The following CTNND2 variants were observed in gnomAD, a reference collection of about 807,000 sequenced individuals.
The protein encoded by CTNND2 is catenin delta 2.
CTNND2 carries 22 observed loss-of-function variants against 144.4 expected under a neutral mutation model. That is an observed-to-expected ratio of 0.15 (90% confidence interval 0.11 to 0.22). The LOEUF is 0.22. Ranked by LOEUF, CTNND2 falls within the 10% of genes least tolerant of loss-of-function variation. The pLI is 1.00. For missense variants in CTNND2, 1,353 were observed against 1,618.8 expected (o/e 0.84, Z 2.82); for synonymous variants, 751 against 695.6 (o/e 1.08, Z -1.25).
intron 16 of CTNND2, among the ~76,000 whole-genome samples, chr5:11,082,053 C>G (rs1749632022): frequency 1.3e-5 from 2 of 152,286 alleles, no homozygotes; most frequent in South Asian, 4.1e-4. Context: ...TTTTGTGATT[C>G]ATTTGTTTAG....
chr5:11,221,371 G>C (rs147913257), intron 10 of CTNND2, among the ~76,000 whole-genome samples: 1 of 152,192 alleles, frequency 6.6e-6, no homozygotes, highest in Non-Finnish European at 1.5e-5. Context: ...TGCCCACAGA[G>C]CAGGGTTATT....
intron 3 of CTNND2, among the ~76,000 whole-genome samples, chr5:11,503,734 T>C (rs1235262950): frequency 6.6e-6 from 1 of 152,232 alleles, no homozygotes; most frequent in Non-Finnish European, 1.5e-5. Flanking sequence ...AGCATTATAA[T>C]CTTTTCTTTC....
At chr5:11,352,441 A>G (rs752178080) in intron 8 of CTNND2, among the ~76,000 whole-genome samples, 7 of 152,214 alleles carry the variant, frequency 4.6e-5, no homozygotes, top group Non-Finnish European at 1.0e-4. Context: ...AATGGCTAAT[A>G]CATGCAGGGT....
intron 11 of CTNND2, among the ~76,000 whole-genome samples, chr5:11,189,811 G>A (rs1389120830): frequency 6.6e-6 from 1 of 152,166 alleles, no homozygotes; most frequent in African/African-American, 2.4e-5. Context: ...ATGAATGAAT[G>A]AGACTCACAG....
intron 11 of CTNND2, among the ~76,000 whole-genome samples, chr5:11,174,490 CCTT>C (rs1342154424): frequency 2.0e-5 from 3 of 152,054 alleles, no homozygotes; most frequent in Non-Finnish European, 4.4e-5. Flanking sequence ...TCAGTGGAAA[CCTT>C]CTTCTGTTAG....
chr5:11,745,953 T>C (rs771169340), intron 1 of CTNND2, among the ~76,000 whole-genome samples: 3 of 152,238 alleles, frequency 2.0e-5, no homozygotes, highest in Admixed American at 6.5e-5. Flanking sequence ...TGATGCACTA[T>C]ATTTTATATT....
At chr5:11,468,876 A>G (rs1346517820) in intron 3 of CTNND2, among the ~76,000 whole-genome samples, 1 of 152,072 alleles carries the variant, frequency 6.6e-6, no homozygotes, top group Admixed American at 6.5e-5. Flanking sequence ...TGCACGATCA[A>G]CTTTGTGGAA....
intron 3 of CTNND2, among the ~76,000 whole-genome samples, chr5:11,429,433 G>A (rs763047928): frequency 8.5e-5 from 13 of 152,048 alleles, no homozygotes; most frequent in Non-Finnish European, 1.6e-4. Flanking sequence ...TGGTGCCCAC[G>A]TGTTTGTTTA....
At chr5:11,411,262 G>A (rs1388662791) in intron 5 of CTNND2, among the ~76,000 whole-genome samples, 1 of 152,134 alleles carries the variant, frequency 6.6e-6, no homozygotes, top group Non-Finnish European at 1.5e-5. Context: ...TATTGAAAAG[G>A]ATATCAGAGA....
At chr5:11,654,195 C>T (rs1348002637) in intron 2 of CTNND2, among the ~76,000 whole-genome samples, 4 of 151,932 alleles carry the variant, frequency 2.6e-5, no homozygotes, top group Non-Finnish European at 5.9e-5. Flanking sequence ...CAGCTTTGTT[C>T]TTTTGCTCAA....
rs539450648 is a variant in CTNND2 at position 11,440,455 on chromosome 5, A to T, written c.288-28386T>A. Among the ~76,000 whole-genome samples the T allele has an allele frequency of 7.9e-5, 12 of 152,298 alleles. No individual in the cohort carries two copies. The East Asian group carries it at 2.3e-3, about 29-fold the overall frequency. On this transcript the variant is annotated intron_variant, in intron 3 of 21. Coordinates refer to ENST00000304623, the MANE Select transcript of CTNND2 (RefSeq NM_001332.4). ...TTAATAAGACAGGCAATTTACCTTG[A>T]GAATATTGGAATTCTTCTGAAAAAC... is the stretch of plus-strand genomic sequence containing the variant.
chr5:11,267,325 G>C (rs537707962), intron 9 of CTNND2, among the ~76,000 whole-genome samples: 2 of 152,158 alleles, frequency 1.3e-5, no homozygotes, highest in African/African-American at 4.8e-5. Flanking sequence ...ATTGGGCTAC[G>C]TGGTGATGGG....
chr5:11,828,778 A>C (rs1793737384), intron 1 of CTNND2, among the ~76,000 whole-genome samples: 1 of 152,170 alleles, frequency 6.6e-6, no homozygotes, highest in Non-Finnish European at 1.5e-5. Context: ...GGGTGCTGTG[A>C]AAATGTGGAA....
chr5:11,391,437 T>C (rs1183619754), intron 6 of CTNND2, among the ~76,000 whole-genome samples: 3 of 152,188 alleles, frequency 2.0e-5, no homozygotes, highest in African/African-American at 7.2e-5. Flanking sequence ...TAGTACTATA[T>C]GAAATGTTCC....
rs552619804 is a variant in CTNND2, at chr5:11,011,470, G to T, written c.3084+6504C>A. On this transcript the variant is annotated intron_variant, in intron 18 of 21. Transcript: ENST00000304623. Reference sequence around the variant, plus strand: ...GACCTCAAGTGATCCGCCTATCTCGGCCTCCCAAAGTGCTGGGATTACAGG... The same window carrying T: ...GACCTCAAGTGATCCGCCTATCTCGTCCTCCCAAAGTGCTGGGATTACAGG... Among the ~76,000 whole-genome samples, 6 of 152,234 alleles carry T rather than the reference G, an allele frequency of 3.9e-5. No homozygotes were observed. In the South Asian group the frequency reaches 1.0e-3, roughly 26 times the overall value.
intron 2 of CTNND2, among the ~76,000 whole-genome samples, chr5:11,705,099 T>C (rs1785631227): frequency 6.6e-6 from 1 of 152,120 alleles, no homozygotes; most frequent in South Asian, 2.1e-4. Context: ...CCACAAGCTT[T>C]TGAAGAGCTG....
chr5:10,983,798 C>T (rs139099845), intron 20 of CTNND2, among the ~76,000 whole-genome samples: 2 of 152,246 alleles, frequency 1.3e-5, no homozygotes, highest in East Asian at 1.9e-4. Flanking sequence ...GCTTGTAATG[C>T]TCCAATGCCC....
At chr5:11,255,527 CAT>C (rs1251105837) in intron 9 of CTNND2, among the ~76,000 whole-genome samples, 1 of 152,088 alleles carries the variant, frequency 6.6e-6, no homozygotes, top group East Asian at 1.9e-4. Context: ...AATATTGTGA[CAT>C]AAAGAAAAAT....
chr5:11,038,398 T>C (rs1744315415), intron 16 of CTNND2, among the ~76,000 whole-genome samples: 1 of 152,208 alleles, frequency 6.6e-6, no homozygotes, highest in East Asian at 1.9e-4. Flanking sequence ...TGCACACGCC[T>C]TATGAGAATC....
Sources: gnomAD v4.1 joint callset for allele counts (sites outside exome capture counted in the v4.1 genomes callset) on GRCh38, gnomAD v4.1.1 for gene constraint, MANE v1.5 for transcripts, NCBI Gene and HGNC (gene_info 2026-07-23, HGNC 2026-07-21) for gene names.